The following ARHGAP6 variants were observed in gnomAD, a reference collection of about 807,000 sequenced individuals.
The protein encoded by ARHGAP6 is rho GTPase-activating protein 6.
In ARHGAP6, 16 loss-of-function variants were observed where a neutral mutation model predicts 55.7. The observed-to-expected ratio is 0.29, with a 90% confidence interval of 0.19 to 0.44. ARHGAP6 has a LOEUF of 0.44. ARHGAP6 is among the 20% of genes least tolerant of loss of function. The pLI is 1.00. For missense variants in ARHGAP6, 698 were observed against 808.9 expected (o/e 0.86, Z 1.66); for synonymous variants, 382 against 360.9 (o/e 1.06, Z -0.66).
At chrX:11,573,503 C>T (rs1158393585) in intron 1 of ARHGAP6, among the ~76,000 whole-genome samples, 9 of 108,600 alleles carry the variant, frequency 8.3e-5, no homozygotes, top group East Asian at 5.7e-4. Flanking sequence ...TGTAGATATG[C>T]GGCGTTATTT....
At chrX:11,366,240 A>G (rs924559680) in intron 1 of ARHGAP6, among the ~76,000 whole-genome samples, 3 of 112,297 alleles carry the variant, frequency 2.7e-5, no homozygotes, top group African/African-American at 9.7e-5. Flanking sequence ...TGTAAGTGGC[A>G]TAATGGCAGT....
chrX:11,364,599 G>A (rs2049052013), intron 1 of ARHGAP6, among the ~76,000 whole-genome samples: 1 of 111,397 alleles, frequency 9.0e-6, no homozygotes, highest in East Asian at 2.8e-4. Flanking sequence ...GTCCCTTGTG[G>A]TTACACTATT....
intron 1 of ARHGAP6, among the ~76,000 whole-genome samples, chrX:11,630,466 C>T (rs928547913): frequency 4.5e-5 from 5 of 112,101 alleles, no homozygotes; most frequent in African/African-American, 1.6e-4. Flanking sequence ...AAAATCCATC[C>T]TCTGTGCAGT....
intron 4 of ARHGAP6, 100 bp from the exon 5 acceptor site, chrX:11,186,531 A>G (rs2046388326): frequency 1.8e-6 from 1 of 548,075 alleles, no homozygotes; most frequent in Admixed American, 3.2e-5. Context: ...ATGACTCTTT[A>G]TCACACTTGA....
intron 1 of ARHGAP6, among the ~76,000 whole-genome samples, chrX:11,643,864 G>T (rs1284178872): frequency 1.8e-5 from 2 of 111,359 alleles, no homozygotes; most frequent in African/African-American, 6.5e-5. Context: ...GCTGGAGAAT[G>T]AGGCCATAGG....
At chrX:11,438,066 ACTC>A (rs2050004069) in intron 1 of ARHGAP6, among the ~76,000 whole-genome samples, 1 of 111,510 alleles carries the variant, frequency 9.0e-6, no homozygotes, top group Non-Finnish European at 1.9e-5. Context: ...GTCTTTTCGT[ACTC>A]CTCCTTACTG....
intron 1 of ARHGAP6, among the ~76,000 whole-genome samples, chrX:11,543,499 C>A (rs1031575708): frequency 8.9e-6 from 1 of 111,860 alleles, no homozygotes; most frequent in Non-Finnish European, 1.9e-5. Context: ...ATGCAACAGC[C>A]ACCACCACCA....
At chrX:11,598,182 A>G (rs2051924264) in intron 1 of ARHGAP6, among the ~76,000 whole-genome samples, 1 of 111,581 alleles carries the variant, frequency 9.0e-6, no homozygotes, top group South Asian at 3.9e-4. Context: ...CTGACATTCA[A>G]GTACCTGGCT....
intron 1 of ARHGAP6, among the ~76,000 whole-genome samples, chrX:11,488,983 C>T (rs2050538724): frequency 8.9e-6 from 1 of 111,744 alleles, no homozygotes; most frequent in Non-Finnish European, 1.9e-5. Context: ...TTCTTGTGTG[C>T]AATGATTTTA....
At chrX:11,505,166 G>A (rs1480674258) in intron 1 of ARHGAP6, among the ~76,000 whole-genome samples, 1 of 110,632 alleles carries the variant, frequency 9.0e-6, no homozygotes, top group Admixed American at 9.7e-5. Flanking sequence ...ATGAGCTCCC[G>A]TTTGGCTCTC....
At chrX:11,173,396 A>G (rs969025872) in intron 8 of ARHGAP6, among the ~76,000 whole-genome samples, 1 of 111,896 alleles carries the variant, frequency 8.9e-6, no homozygotes, top group Non-Finnish European at 1.9e-5. Context: ...TGAGAACTCA[A>G]TGCCAGCTAC....
chrX:11,356,599 G>C (rs1042460011), intron 1 of ARHGAP6, among the ~76,000 whole-genome samples: 1 of 111,268 alleles, frequency 9.0e-6, no homozygotes, highest in Non-Finnish European at 1.9e-5. Context: ...ACAGTAGTAT[G>C]TCAATGTGGG....
intron 1 of ARHGAP6, among the ~76,000 whole-genome samples, chrX:11,263,234 T>C (rs2047583979): frequency 9.1e-6 from 1 of 110,477 alleles, no homozygotes; most frequent in Non-Finnish European, 1.9e-5. Flanking sequence ...ACTTCTTCCC[T>C]CTCTCTCTTG....
intron 1 of ARHGAP6, among the ~76,000 whole-genome samples, chrX:11,655,554 C>CT (rs1045070545): frequency 1.8e-5 from 2 of 112,234 alleles, no homozygotes; most frequent in Non-Finnish European, 3.8e-5. Flanking sequence ...TATTATCTAT[C>CT]TTTTTTTATT....
At chrX:11,150,743 C>T (rs996970953) in intron 10 of ARHGAP6, among the ~76,000 whole-genome samples, 3 of 111,527 alleles carry the variant, frequency 2.7e-5, no homozygotes, top group South Asian at 3.8e-4. Context: ...GAACCATGGT[C>T]GTGCCACTGC....
At chrX:11,229,578 ACT>A (rs905940808) in intron 2 of ARHGAP6, among the ~76,000 whole-genome samples, 3 of 112,104 alleles carry the variant, frequency 2.7e-5, no homozygotes, top group African/African-American at 9.7e-5. Context: ...TGTATGATGA[ACT>A]CTCTTACCTT....
intron 5 of ARHGAP6, 91 bp downstream of exon 5, chrX:11,186,145 T>C: frequency 1.2e-6 from 1 of 862,108 alleles, no homozygotes; most frequent in Non-Finnish European, 1.6e-6. Flanking sequence ...GCTTGATCAT[T>C]TGATCAAGCA....
At chrX:11,322,378 GAC>G (rs1461662064) in intron 1 of ARHGAP6, among the ~76,000 whole-genome samples, 1 of 107,941 alleles carries the variant, frequency 9.3e-6, no homozygotes, top group Non-Finnish European at 1.9e-5. Context: ...TCTTTTTTGA[GAC>G]AGAGTTTCAC....
chrX:11,368,348 A>G (rs2147704808), intron 1 of ARHGAP6, among the ~76,000 whole-genome samples: 1 of 112,273 alleles, frequency 8.9e-6, no homozygotes, highest in East Asian at 2.8e-4. Context: ...CCCTAGGATA[A>G]ATACTCTTTT....
Sources: gnomAD v4.1 joint callset for allele counts (sites outside exome capture counted in the v4.1 genomes callset) on GRCh38, gnomAD v4.1.1 for gene constraint, MANE v1.5 for transcripts, NCBI Gene and HGNC (gene_info 2026-07-23, HGNC 2026-07-21) for gene names.